MANBA: variants seen among roughly 807,000 people sequenced by gnomAD.
The protein encoded by MANBA is mannosidase beta.
Under a neutral mutation model 111.1 loss-of-function variants are expected in MANBA, and 83 were observed. The ratio of observed to expected loss-of-function variants is 0.75; its 90% confidence interval spans 0.63 to 0.90. The LOEUF is 0.90. Among genes scored for constraint, MANBA ranks in the 40% least tolerant of loss-of-function variants. MANBA has a pLI of 0.00. For missense variants in MANBA, 1,036 were observed against 1,069.0 expected (o/e 0.97, Z 0.43); for synonymous variants, 370 against 378.7 (o/e 0.98, Z 0.27).
intron 7 of MANBA, among the ~76,000 whole-genome samples, chr4:102,676,189 T>C (rs1408939916): frequency 2.0e-5 from 3 of 152,220 alleles, no homozygotes; most frequent in South Asian, 2.1e-4. Context: ...ACTTACCTTT[T>C]TGTGCGTTAT....
At chr4:102,656,960 A>G (rs955559102) in intron 12 of MANBA, among the ~76,000 whole-genome samples, 3 of 152,172 alleles carry the variant, frequency 2.0e-5, no homozygotes, top group African/African-American at 7.2e-5. Flanking sequence ...TAATGGGTTC[A>G]GGGTTTCTTT....
chr4:102,717,364 A>G (rs79803185), intron 4 of MANBA, among the ~76,000 whole-genome samples: 4 of 142,218 alleles, frequency 2.8e-5, no homozygotes, highest in Middle Eastern at 3.4e-3. Flanking sequence ...AGTTTTCCTG[A>G]AAAAAAAAAA....
At chr4:102,701,615 A>G (rs1733050207) in intron 5 of MANBA, among the ~76,000 whole-genome samples, 1 of 151,424 alleles carries the variant, frequency 6.6e-6, no homozygotes, top group Non-Finnish European at 1.5e-5. Flanking sequence ...TCCTACACTT[A>G]TGAAGCTTAG....
At chr4:102,658,087 A>T (rs1385338874) in intron 11 of MANBA, among the ~76,000 whole-genome samples, 187 bp from the exon 12 acceptor site, 1 of 152,178 alleles carries the variant, frequency 6.6e-6, no homozygotes, top group African/African-American at 2.4e-5. Flanking sequence ...CCAATCCTTT[A>T]TATCTTTTCA....
chr4:102,715,112 C>A (rs938944122), intron 4 of MANBA, among the ~76,000 whole-genome samples: 1 of 152,168 alleles, frequency 6.6e-6, no homozygotes, highest in Non-Finnish European at 1.5e-5. Flanking sequence ...TAGTGAATCA[C>A]TTCTAACCAC....
chr4:102,650,846 T>C, intron 12 of MANBA, 145 bp from the exon 13 acceptor site: 1 of 679,980 alleles, frequency 1.5e-6, no homozygotes, highest in Non-Finnish European at 2.6e-6. Flanking sequence ...ATAAATGTTT[T>C]ACCATCCTAC....
chr4:102,691,078 T>G (rs1732454940), intron 5 of MANBA: 1 of 152,350 alleles, frequency 6.6e-6, no homozygotes, highest in Non-Finnish European at 1.5e-5. Flanking sequence ...AAAGATAAAA[T>G]AAATTTTCCA....
At chr4:102,644,413 T>C (rs917694443) in intron 13 of MANBA, among the ~76,000 whole-genome samples, 3 of 152,094 alleles carry the variant, frequency 2.0e-5, no homozygotes, top group African/African-American at 7.2e-5. Flanking sequence ...ATGTGATACA[T>C]ATACACAATA....
intron 12 of MANBA, among the ~76,000 whole-genome samples, chr4:102,654,772 A>T (rs2110207187): frequency 6.6e-6 from 1 of 152,324 alleles, no homozygotes; most frequent in East Asian, 1.9e-4. Flanking sequence ...CCCTAAGAAA[A>T]AGAACAACTC....
At chr4:102,758,558 T>C (rs987150221) in intron 1 of MANBA, among the ~76,000 whole-genome samples, 1 of 151,484 alleles carries the variant, frequency 6.6e-6, no homozygotes, top group Non-Finnish European at 1.5e-5. Flanking sequence ...TTTCTTTTTT[T>C]TTTTTTTTTG....
At chr4:102,641,651 T>C (rs928978113) in intron 13 of MANBA, among the ~76,000 whole-genome samples, 3 of 152,288 alleles carry the variant, frequency 2.0e-5, no homozygotes, top group South Asian at 2.1e-4. Context: ...AAAATGACCA[T>C]GGCCCCTATA....
intron 7 of MANBA, among the ~76,000 whole-genome samples, chr4:102,681,378 A>G (rs898040495): frequency 1.3e-5 from 2 of 152,116 alleles, no homozygotes; most frequent in African/African-American, 2.4e-5. Context: ...TTTTTTCAGT[A>G]TCTGCCACCC....
In MANBA at chr4:102,748,671, T is replaced by C. The variant is rs1167599253; in HGVS notation, c.177+12047A>G. 5.9e-5 allele frequency among the ~76,000 whole-genome samples: 9 copies of C among 152,100 alleles called. No homozygotes were observed. The East Asian group carries it at 1.7e-3, about 29-fold the overall frequency. On this transcript the variant is annotated intron_variant, in intron 1 of 16. Transcript: ENST00000647097. Reference sequence around the variant, plus strand: ...GGCTCATGCCTGTAATCCCAACACTTTGGGGGGCCGAGGTGGGCGGATCAC... The same window carrying C: ...GGCTCATGCCTGTAATCCCAACACTCTGGGGGGCCGAGGTGGGCGGATCAC...
chr4:102,690,324 G>C (rs1275718853), intron 6 of MANBA, among the ~76,000 whole-genome samples: 1 of 151,916 alleles, frequency 6.6e-6, no homozygotes, highest in East Asian at 1.9e-4. Flanking sequence ...AAATACTACA[G>C]AAAATTAAAA....
At position 102,752,477 on chromosome 4, in the gene MANBA, T is replaced by C. The variant is rs954491531; in HGVS notation, c.177+8241A>G. ...CTGATTTCAGGATCTTTAGATAACA[T>C]TGTCAAGTTGTGGGATACAAGAAGT... On this transcript the variant is annotated intron_variant, in intron 1 of 16. Coordinates refer to ENST00000647097, the MANE Select transcript of MANBA (RefSeq NM_005908.4). 7 of 756,250 alleles carry C rather than the reference T, an allele frequency of 9.3e-6. No homozygotes were observed. The African/African-American group carries it at 1.0e-4, about 11-fold the overall frequency. 46.8% of individuals were successfully genotyped at this position (756,250 alleles called of 1,614,324 possible). A position where few individuals can be genotyped will look rare whatever the true frequency, so the allele number is the denominator to read the frequency against.
chr4:102,631,070 C>T lies in MANBA; in HGVS notation c.*987G>A, dbSNP rs1729353803. On this transcript the variant is annotated 3_prime_UTR_variant, in exon 17 of 17. Coordinates refer to ENST00000647097, the MANE Select transcript of MANBA (RefSeq NM_005908.4). ...TTTACCAAGTAAGACTCTACGGAGT[C>T]CCAGCCCTAAGTCCCCTTATCCCCT... 1 of 151,444 alleles carries T rather than the reference C, an allele frequency of 6.6e-6. No homozygotes were observed. The highest frequency in any genetic ancestry group is 6.6e-5 in the Admixed American group (1 of 15,170). The allele number at this position is 151,444 out of a possible 1,614,324, so 9.4% of individuals were successfully genotyped here.
At position 102,707,534 on chromosome 4, in the gene MANBA, A is replaced by G. The variant is rs1020581244; in HGVS notation, c.673+6904T>C. On this transcript the variant is annotated intron_variant, in intron 5 of 16. Coordinates refer to ENST00000647097, the MANE Select transcript of MANBA (RefSeq NM_005908.4). ...TAAACACAAATGAGGATCATAAAGG[A>G]CCCAAATGTTAACACTACAGAAAAA... Among the ~76,000 whole-genome samples the G allele has an allele frequency of 2.0e-5, 3 of 152,182 alleles. No homozygotes were observed. In the East Asian group the frequency reaches 5.8e-4, roughly 29 times the overall value.
intron 1 of MANBA, among the ~76,000 whole-genome samples, chr4:102,742,879 G>A (rs552530366): frequency 2.4e-4 from 36 of 152,136 alleles, no homozygotes; most frequent in Non-Finnish European, 4.1e-4. Flanking sequence ...GTGCCATATC[G>A]TGGGCTCAGT....
intron 13 of MANBA, among the ~76,000 whole-genome samples, chr4:102,640,513 G>A (rs1226308897): frequency 2.0e-5 from 3 of 152,102 alleles, no homozygotes; most frequent in Non-Finnish European, 2.9e-5. Flanking sequence ...CTTGATTACC[G>A]ACACCATCAT....
Sources: allele counts gnomAD v4.1 joint callset (sites outside exome capture counted in the v4.1 genomes callset), GRCh38; gene constraint gnomAD v4.1.1; transcripts MANE v1.5; gene names NCBI Gene and HGNC (gene_info 2026-07-23, HGNC 2026-07-21).